DHRS3: variants seen among roughly 807,000 people sequenced by gnomAD.
DHRS3 encodes short-chain dehydrogenase/reductase 3.
DHRS3 carries 14 observed loss-of-function variants against 27.2 expected under a neutral mutation model. The observed-to-expected ratio is 0.52, with a 90% CI of 0.34 to 0.81. The LOEUF (loss-of-function observed/expected upper bound fraction) is 0.81. Among genes scored for constraint, DHRS3 ranks in the 30% least tolerant of loss-of-function variants. The pLI, the probability that DHRS3 is intolerant of heterozygous loss-of-function variation, is 0.01. For missense variants in DHRS3, 322 were observed against 406.2 expected, an observed-to-expected ratio of 0.79 and a Z score of 1.78; for synonymous variants, 165 against 175.9, an observed-to-expected ratio of 0.94 and a Z score of 0.49.
intron 4 of DHRS3, among the ~76,000 whole-genome samples, chr1:12,573,543 G>A (rs961224768): frequency 1.3e-5 from 2 of 152,186 alleles, no homozygotes; most frequent in Non-Finnish European, 2.9e-5. Flanking sequence ...ATACTTGAAG[G>A]ACTGAACACA....
intron 1 of DHRS3, among the ~76,000 whole-genome samples, chr1:12,613,896 A>C (rs1212410189): frequency 6.6e-6 from 1 of 151,908 alleles, no homozygotes; most frequent in Non-Finnish European, 1.5e-5. Context: ...CAGCCTCCCG[A>C]GTAGCTGGGA....
At chr1:12,603,704 T>TCATC (rs1646850986) in intron 1 of DHRS3, among the ~76,000 whole-genome samples, 1 of 152,136 alleles carries the variant, frequency 6.6e-6, no homozygotes, top group Non-Finnish European at 1.5e-5. Context: ...GTGGACAAGA[T>TCATC]CATCATACGC....
intron 5 of DHRS3, among the ~76,000 whole-genome samples, chr1:12,572,293 G>A (rs947777435): frequency 2.6e-5 from 4 of 152,116 alleles, no homozygotes; most frequent in African/African-American, 7.2e-5. Flanking sequence ...TCAGCCTCCC[G>A]AGTAGCTAAG....
rs145852271 is a variant in DHRS3 at position 12,614,292 on chromosome 1, C to G, written c.195+2862G>C. ...CAAAGACTGGAGCCGGGGCTGACCA[C>G]TAGCCAGAAGTTAGTTCCCTTGGAG... is the stretch of plus-strand genomic sequence containing the variant. On this transcript the variant is annotated intron_variant, in intron 1 of 5. Transcript: ENST00000616661. Among the ~76,000 whole-genome samples the G allele has an allele frequency of 3.3e-4, 51 of 152,280 alleles. No homozygotes were observed. In the East Asian group the frequency reaches 9.5e-3, roughly 28 times the overall value.
At position 12,568,236 on chromosome 1, in the gene DHRS3, T is replaced by C. The variant is rs1014926116; in HGVS notation, c.*104A>G. On this transcript the variant is annotated 3_prime_UTR_variant, in exon 6 of 6. Transcript: ENST00000616661. ...TCTTCGCTGGGGACAGGAGCTGTCC[T>C]GCTCACCCAGCAGAAGCATGCCAAT... 8.9e-7 allele frequency: 1 copy of C among 1,122,258 alleles called. No individual in the cohort carries two copies. Among genetic ancestry groups the C allele is most frequent in the Non-Finnish European group, 1.3e-6 (1 of 743,276 alleles). 69.5% of individuals were successfully genotyped at this position (1,122,258 alleles called of 1,614,324 possible).
intron 1 of DHRS3, among the ~76,000 whole-genome samples, chr1:12,588,028 C>T (rs1027482028): frequency 1.4e-4 from 21 of 152,248 alleles, no homozygotes; most frequent in African/African-American, 3.4e-4. Context: ...TGTGCTGTCA[C>T]GGCCATTTGG....
intron 1 of DHRS3, among the ~76,000 whole-genome samples, chr1:12,598,948 T>C (rs1189671960): frequency 2.6e-5 from 4 of 152,170 alleles, no homozygotes; most frequent in African/African-American, 2.4e-5. Flanking sequence ...TATCTCAGCA[T>C]CTCCCTCATA....
At chr1:12,599,139 G>A (rs1646818999) in intron 1 of DHRS3, among the ~76,000 whole-genome samples, 2 of 152,236 alleles carry the variant, frequency 1.3e-5, no homozygotes, top group South Asian at 4.1e-4. Flanking sequence ...ATTAGGAATC[G>A]GTTTAATCTC....
intron 1 of DHRS3, among the ~76,000 whole-genome samples, chr1:12,602,609 C>A (rs560029860): frequency 3.9e-5 from 6 of 152,262 alleles, no homozygotes; most frequent in African/African-American, 4.8e-5. Context: ...CACCGCCCCC[C>A]ACCCCCAGGG....
At chr1:12,609,823 C>T (rs1202237114) in intron 1 of DHRS3, among the ~76,000 whole-genome samples, 2 of 152,120 alleles carry the variant, frequency 1.3e-5, no homozygotes, top group Non-Finnish European at 2.9e-5. Flanking sequence ...TCACTCACTG[C>T]TTCAGCCACA....
In DHRS3 at chr1:12,608,281, A is replaced by G. The variant is rs559902483; in HGVS notation, c.195+8873T>C. ...TATTACCAATCGTGTATGGTACCACAGACATGTAGAGTACCACGGTCATGA... is the reference window on the plus strand; with the variant it reads ...TATTACCAATCGTGTATGGTACCACGGACATGTAGAGTACCACGGTCATGA... On this transcript the variant is annotated intron_variant, in intron 1 of 5. Coordinates refer to ENST00000616661, the MANE Select transcript of DHRS3 (RefSeq NM_004753.7). The surrounding 1 kb of genome is among the most constrained non-coding windows in gnomAD (Gnocchi z 4.1). Among the ~76,000 whole-genome samples the G allele has an allele frequency of 1.3e-5, 2 of 152,292 alleles. No homozygotes were observed. The highest frequency in any genetic ancestry group is 4.8e-5 in the African/African-American group (2 of 41,556).
chr1:12,617,579 G>A lies in DHRS3; in HGVS notation c.-231C>T. On this transcript the variant is annotated 5_prime_UTR_variant, in exon 1 of 6. Transcript: ENST00000616661. ...CTGGGGGAGAAAAAGCGTCTCCTAA[G>A]GTTGGGACGGTAAAAGAGGTGGAGG... is the stretch of plus-strand genomic sequence containing the variant. 1 of 401,496 alleles carries A rather than the reference G, an allele frequency of 2.5e-6. No individual in the cohort carries two copies. Among genetic ancestry groups the A allele is most frequent in the Non-Finnish European group, 4.3e-6 (1 of 232,512 alleles). 24.9% of individuals were successfully genotyped at this position (401,496 alleles called of 1,614,324 possible). A position where few individuals can be genotyped will look rare whatever the true frequency, so the allele number is the denominator to read the frequency against.
chr1:12,588,628 G>A (rs2100684276), intron 1 of DHRS3, among the ~76,000 whole-genome samples: 1 of 152,320 alleles, frequency 6.6e-6, no homozygotes. Flanking sequence ...CCAGGCACAA[G>A]AGTAAAAGCT....
chr1:12,589,933 T>C (rs954130688), intron 1 of DHRS3, among the ~76,000 whole-genome samples: 2 of 152,076 alleles, frequency 1.3e-5, no homozygotes, highest in African/African-American at 2.4e-5. Flanking sequence ...GGGGAAACAG[T>C]TGCCCGGAAG....
rs936582672 is a variant in DHRS3, at chr1:12,586,784, C to T, written c.196-6118G>A. 3.9e-5 allele frequency among the ~76,000 whole-genome samples: 6 copies of T among 152,192 alleles called. 1 individual carries two copies. The South Asian group carries it at 1.0e-3, about 26-fold the overall frequency. On this transcript the variant is annotated intron_variant, in intron 1 of 5. Transcript: ENST00000616661. The surrounding 1 kb of genome is among the most constrained non-coding windows in gnomAD (Gnocchi z 5.0). ...GGATTTGAACCAAGGTCATGTCCAG[C>T]TCCACAGGCTGTGGGGATTGCACCA...
chr1:12,589,450 G>A (rs1378654471), intron 1 of DHRS3, among the ~76,000 whole-genome samples: 13 of 149,230 alleles, frequency 8.7e-5, no homozygotes, highest in Non-Finnish European at 1.9e-4. Context: ...GTGCAGTGGC[G>A]CGATCTCGGC....
Position 12,580,127 on chromosome 1 carries a change from C to T in DHRS3, c.339+396G>A, listed in dbSNP as rs184496504. The T allele has an allele frequency of 4.9e-4, 150 of 307,330 alleles. 1 individual carries two copies. The highest frequency in any genetic ancestry group is 4.3e-3 in the South Asian group (138 of 32,344). The allele number at this position is 307,330 out of a possible 1,614,324, so 19.0% of individuals were successfully genotyped here. ...ATATTTATAATAAATGAGTTTACTG[C>T]GACATAAAAACAGTTAACATTACCA... On this transcript the variant is annotated intron_variant, in intron 2 of 5. Coordinates refer to ENST00000616661, the MANE Select transcript of DHRS3 (RefSeq NM_004753.7).
chr1:12,616,703 T>G, intron 1 of DHRS3: 4 of 1,000,618 alleles, frequency 4.0e-6, no homozygotes, highest in Non-Finnish European at 4.8e-6. Context: ...GCCGCCCAGG[T>G]TGGGGCTGGG....
chr1:12,571,919 G>A (rs138958358), intron 5 of DHRS3, among the ~76,000 whole-genome samples: 134 of 152,174 alleles, frequency 8.8e-4, no homozygotes, highest in African/African-American at 3.1e-3. Flanking sequence ...CAGAGGCTAC[G>A]TGACACGAGA....
Sources: gnomAD v4.1 joint callset for allele counts (sites outside exome capture counted in the v4.1 genomes callset) on GRCh38, gnomAD v4.1.1 for gene constraint, Gnocchi (gnomAD v3.1) non-coding constraint, MANE v1.5 for transcripts, NCBI Gene and HGNC (gene_info 2026-07-23, HGNC 2026-07-21) for gene names.